Variants in ANKRD26 observed in about 807,000 individuals in gnomAD.
ANKRD26 encodes the protein ankyrin repeat domain 26.
ANKRD26 carries 141 observed loss-of-function variants against 208.7 expected under a neutral mutation model. The ratio of observed to expected loss-of-function variants is 0.68; its 90% CI spans 0.59 to 0.78. ANKRD26 has a LOEUF of 0.78. ANKRD26 is among the 30% of genes least tolerant of loss of function. The pLI is 0.00. For missense variants in ANKRD26, 1,889 were observed against 1,938.7 expected (o/e 0.97, Z 0.48); for synonymous variants, 636 against 660.4 (o/e 0.96, Z 0.57).
chr10:26,956,647 C>A, the ANKRD26 span, among the ~76,000 whole-genome samples: 1 of 151,606 alleles, frequency 6.6e-6, no homozygotes, highest in Non-Finnish European at 1.5e-5. Context: ...AAAAAAAGTA[C>A]TGAAAGAAGA....
chr10:26,980,191 C>G (rs2052286577), intron 5 of ANKRD26, among the ~76,000 whole-genome samples: 1 of 152,214 alleles, frequency 6.6e-6, no homozygotes, highest in African/African-American at 2.4e-5. Context: ...GTTCTGGTGG[C>G]ATTGCTGGAT....
At chr10:27,060,490 A>G in intron 14 of ANKRD26, 22 bp downstream of exon 14, 1 of 1,558,612 alleles carries the variant, frequency 6.4e-7, no homozygotes, top group Non-Finnish European at 8.8e-7. Flanking sequence ...ATAATTCAAG[A>G]TAAAAATATA....
intron 12 of ANKRD26, among the ~76,000 whole-genome samples, chr10:27,062,801 T>C (rs1419856589): frequency 1.3e-5 from 2 of 151,556 alleles, no homozygotes; most frequent in African/African-American, 4.8e-5. Flanking sequence ...AGAATCTTGC[T>C]CTGTTGCCCA....
intron 15 of ANKRD26, among the ~76,000 whole-genome samples, chr10:27,054,335 A>C (rs2054768206): frequency 6.6e-6 from 1 of 152,208 alleles, no homozygotes; most frequent in Non-Finnish European, 1.5e-5. Context: ...CTGTAATCCC[A>C]GCACTTTGGG....
chr10:27,046,527 T>G lies in ANKRD26; in HGVS notation c.1815-4A>C. ...CATTTGCAAGGCAGGACCACTACTT[T>G]AAAAAATCCATGGGAAATGACAGTT... is the stretch of plus-strand genomic sequence containing the variant. On this transcript the variant is annotated splice_region_variant and splice_polypyrimidine_tract_variant and intron_variant, in intron 17 of 33. Coordinates refer to ENST00000376087, the MANE Select transcript of ANKRD26 (RefSeq NM_014915.3). 1.2e-6 allele frequency: 2 copies of G among 1,611,646 alleles called. No individual in the cohort carries two copies. Among genetic ancestry groups the G allele is most frequent in the Non-Finnish European group, 1.7e-6 (2 of 1,179,328 alleles).
At chr10:27,077,562 G>T in intron 8 of ANKRD26, 22 bp from the exon 9 acceptor site, 7 of 1,611,928 alleles carry the variant, frequency 4.3e-6, no homozygotes, top group Non-Finnish European at 5.9e-6. Flanking sequence ...ACAAAATAAA[G>T]AGTAAATGAA....
At chr10:27,066,426 T>C (rs983762874) in intron 11 of ANKRD26, 61 bp downstream of exon 11, 2 of 1,318,112 alleles carry the variant, frequency 1.5e-6, no homozygotes, top group African/African-American at 2.9e-5. Flanking sequence ...AGCATCTCTT[T>C]ATGTTTTAAC....
At chr10:27,098,516 T>A (rs2056538789) in intron 1 of ANKRD26, among the ~76,000 whole-genome samples, 1 of 151,926 alleles carries the variant, frequency 6.6e-6, no homozygotes, top group African/African-American at 2.4e-5. Flanking sequence ...AAGTTTGACT[T>A]ATTATACAAA....
intron 15 of ANKRD26, among the ~76,000 whole-genome samples, chr10:27,059,790 G>T (rs1386258512): frequency 6.6e-6 from 1 of 151,488 alleles, no homozygotes; most frequent in Non-Finnish European, 1.5e-5. Context: ...TGTGCCCGGG[G>T]AGCTTGAGGC....
chr10:27,058,170 TA>T (rs1347357374), intron 15 of ANKRD26, among the ~76,000 whole-genome samples: 2 of 152,182 alleles, frequency 1.3e-5, no homozygotes, highest in Non-Finnish European at 2.9e-5. Context: ...AGTGAAACTT[TA>T]AAGGCCATTT....
chr10:27,033,545 C>T (rs930300389), intron 24 of ANKRD26, among the ~76,000 whole-genome samples, 168 bp from the exon 25 acceptor site: 1 of 152,122 alleles, frequency 6.6e-6, no homozygotes, highest in African/African-American at 2.4e-5. Flanking sequence ...CTGTTTATTA[C>T]TGAATTCAGT....
At chr10:27,070,326 G>C (rs1298508898) in intron 9 of ANKRD26, among the ~76,000 whole-genome samples, 2 of 152,034 alleles carry the variant, frequency 1.3e-5, no homozygotes, top group Non-Finnish European at 2.9e-5. Flanking sequence ...CTTGAACCCA[G>C]GAAGCAGAGG....
chr10:26,964,786 A>T, the ANKRD26 span, among the ~76,000 whole-genome samples: 1 of 152,224 alleles, frequency 6.6e-6, no homozygotes, highest in African/African-American at 2.4e-5. Context: ...AAGGATGGAT[A>T]TTAATCAAGT....
At chr10:26,965,786 G>A in the ANKRD26 span, among the ~76,000 whole-genome samples, 80,036 of 151,878 alleles carry the variant, frequency 0.53, 21,496 homozygotes, top group Middle Eastern at 0.56. Flanking sequence ...TATTTACAAG[G>A]AAAAGACAAA....
rs2052829204 is a variant in ANKRD26, at chr10:27,005,215, C to T, written c.*375G>A. On this transcript the variant is annotated 3_prime_UTR_variant, in exon 34 of 34. Coordinates refer to ENST00000376087, the MANE Select transcript of ANKRD26 (RefSeq NM_014915.3). ...TACATCCAAACATGAACAATGACCA[C>T]AGTTCCTGCACAACAAAATGATGTC... 1.0e-6 allele frequency: 1 copy of T among 999,988 alleles called. No individual in the cohort carries two copies. The highest frequency in any genetic ancestry group is 1.1e-4 in the East Asian group (1 of 9,416). 61.9% of individuals were successfully genotyped at this position (999,988 alleles called of 1,614,324 possible).
downstream of ANKRD26, among the ~76,000 whole-genome samples, chr10:27,000,087 A>G (rs2052688804): frequency 6.6e-6 from 1 of 152,114 alleles, no homozygotes; most frequent in Non-Finnish European, 1.5e-5. Context: ...GATGGAAACC[A>G]GCTGAAACTC....
At chr10:26,978,952 A>G (rs1412504201) in intron 5 of ANKRD26, among the ~76,000 whole-genome samples, 1 of 152,030 alleles carries the variant, frequency 6.6e-6, no homozygotes, top group Non-Finnish European at 1.5e-5. Context: ...GCCGGGCGCG[A>G]TGGCTCAAGC....
At chr10:27,069,636 G>T (rs1190898819) in intron 9 of ANKRD26, among the ~76,000 whole-genome samples, 1 of 152,034 alleles carries the variant, frequency 6.6e-6, no homozygotes, top group African/African-American at 2.4e-5. Flanking sequence ...AGACAGATTT[G>T]GATAAATACG....
intron 4 of ANKRD26, among the ~76,000 whole-genome samples, chr10:26,982,310 A>G (rs1217474951): frequency 6.6e-6 from 1 of 152,186 alleles, no homozygotes; most frequent in Non-Finnish European, 1.5e-5. Flanking sequence ...CATCTTATTT[A>G]CAAACCAAAT....
Sources: allele counts gnomAD v4.1 joint callset (sites outside exome capture counted in the v4.1 genomes callset), GRCh38; gene constraint gnomAD v4.1.1; transcripts MANE v1.5; gene names NCBI Gene and HGNC (gene_info 2026-07-23, HGNC 2026-07-21).